Variants in MTMR7 observed in about 807,000 individuals in gnomAD.
MTMR7 encodes myotubularin related protein 7, also known as phosphatidylinositol-3-phosphate phosphatase MTMR7.
MTMR7 carries 76 observed loss-of-function variants against 81.2 expected under a neutral mutation model. The ratio of observed to expected loss-of-function variants is 0.94; its 90% CI spans 0.78 to 1.13. The LOEUF (loss-of-function observed/expected upper bound fraction) is 1.13, where lower values mean the gene tolerates loss of function less well. Among genes scored for constraint, MTMR7 ranks in the 50% most tolerant of loss-of-function variants. MTMR7 has a pLI of 0.00. For missense variants in MTMR7, 1,044 were observed against 820.0 expected (o/e 1.27, Z -3.34); for synonymous variants, 372 against 289.8 (o/e 1.28, Z -2.88).
At chr8:17,403,098 G>T (rs1307857121) in intron 1 of MTMR7, among the ~76,000 whole-genome samples, 1 of 152,094 alleles carries the variant, frequency 6.6e-6, no homozygotes, top group East Asian at 1.9e-4. Flanking sequence ...CAGATTATTA[G>T]ATTTTTTTTC....
chr8:17,334,402 C>T (rs2150534758), intron 6 of MTMR7, among the ~76,000 whole-genome samples: 1 of 152,310 alleles, frequency 6.6e-6, no homozygotes, highest in Middle Eastern at 3.4e-3. Context: ...AACTCCATTT[C>T]ACAACTAAAG....
intron 7 of MTMR7, among the ~76,000 whole-genome samples, chr8:17,315,174 G>A (rs781487272): frequency 1.3e-5 from 2 of 152,194 alleles, no homozygotes; most frequent in Non-Finnish European, 2.9e-5. Context: ...AAAAGGAGAT[G>A]AGCTATGAAA....
At chr8:17,348,875 A>G (rs988373978) in intron 5 of MTMR7, 78 bp downstream of exon 5, 95 of 1,546,874 alleles carry the variant, frequency 6.1e-5, no homozygotes, top group Non-Finnish European at 8.4e-5. Flanking sequence ...CACGCACAGC[A>G]GAAGGCAGCT....
rs370812641 is a variant in MTMR7, at chr8:17,299,879, C to G, written c.1966G>C (p.Val656Leu). Residue 656 changes from valine to leucine, a missense_variant, in exon 14 of 14, where the codon GTG (valine) becomes CTG (leucine). By Grantham distance (32) the Val-to-Leu change is conservative. Coordinates refer to ENST00000180173, the MANE Select transcript of MTMR7 (RefSeq NM_004686.5). ...GGGAAACTTCAGGCAGTGAGAAACA[C>G]GGCTTCATCAGAATCCCGGTCCTTG... is the stretch of plus-strand genomic sequence containing the variant. ...SGKDRDSDEAVFLTA is the reference protein window; with the variant it reads ...SGKDRDSDEALFLTA The G allele has an allele frequency of 6.2e-7, 1 of 1,613,894 alleles. No homozygotes were observed. Among genetic ancestry groups the G allele is most frequent in the Non-Finnish European group, 8.5e-7 (1 of 1,179,942 alleles).
intron 7 of MTMR7, among the ~76,000 whole-genome samples, chr8:17,314,308 C>T (rs1337200863): frequency 6.6e-6 from 1 of 152,140 alleles, no homozygotes; most frequent in African/African-American, 2.4e-5. Flanking sequence ...CTCTGTGATG[C>T]AGTAAACACA....
At chr8:17,332,122 C>T (rs1296816387) in intron 6 of MTMR7, among the ~76,000 whole-genome samples, 2 of 152,334 alleles carry the variant, frequency 1.3e-5, no homozygotes, top group East Asian at 3.9e-4. Context: ...CAGGTCATCA[C>T]ATCCTAGAAA....
At chr8:17,363,395 T>C (rs1242915531) in intron 3 of MTMR7, among the ~76,000 whole-genome samples, 1 of 152,222 alleles carries the variant, frequency 6.6e-6, no homozygotes, top group African/African-American at 2.4e-5. Flanking sequence ...GTTAAATATT[T>C]ACAAATAGCT....
At chr8:17,405,407 G>C (rs1821548552) in intron 1 of MTMR7, among the ~76,000 whole-genome samples, 1 of 152,168 alleles carries the variant, frequency 6.6e-6, no homozygotes, top group Non-Finnish European at 1.5e-5. Flanking sequence ...CCAAGTCTAA[G>C]GGGCAATATG....
At position 17,373,159 on chromosome 8, in the gene MTMR7, TG is replaced by T. The variant is rs1426088285; in HGVS notation, c.105del (p.Ile36TyrfsTer36). On this transcript the variant is annotated frameshift_variant, in exon 2 of 14. Transcript: ENST00000180173. LOFTEE classifies it high-confidence loss of function. The stretch of plus-strand genomic sequence containing the variant: ...GGGTCAGGTGAATTTTCCACGAATA[TG>T]ACATGGGTAGCCGTCAAATACAAAG... Reference protein sequence around the residue: ...LGTLYLTATHVIFVENSPDPR... With the variant: ...LGTLYLTATHXIFVENSPDPR... 4 of 1,613,790 alleles carry T rather than the reference TG, an allele frequency of 2.5e-6. No individual in the cohort carries two copies.
At chr8:17,385,539 A>C (rs1387292162) in intron 1 of MTMR7, among the ~76,000 whole-genome samples, 1 of 152,144 alleles carries the variant, frequency 6.6e-6, no homozygotes, top group Non-Finnish European at 1.5e-5. Context: ...GTCTTCCGCC[A>C]CGATTGTGAG....
chr8:17,306,350 G>C (rs929947569), intron 10 of MTMR7, among the ~76,000 whole-genome samples: 1 of 151,568 alleles, frequency 6.6e-6, no homozygotes, highest in African/African-American at 2.4e-5. Context: ...TTCATTTTTT[G>C]CGCTGTTTTG....
At chr8:17,341,231 T>C in intron 6 of MTMR7, 132 bp downstream of exon 6, 1 of 1,209,366 alleles carries the variant, frequency 8.3e-7, no homozygotes, top group East Asian at 2.6e-5. Flanking sequence ...GCCCAGACAC[T>C]GACTATGCCA....
chr8:17,365,518 C>T (rs535168126), intron 3 of MTMR7, among the ~76,000 whole-genome samples: 3 of 152,260 alleles, frequency 2.0e-5, no homozygotes, highest in Non-Finnish European at 2.9e-5. Context: ...TCTGGCTTTT[C>T]CCATCACAGT....
At chr8:17,389,223 T>G (rs1039646164) in intron 1 of MTMR7, among the ~76,000 whole-genome samples, 2 of 152,222 alleles carry the variant, frequency 1.3e-5, no homozygotes, top group African/African-American at 4.8e-5. Flanking sequence ...TCCTCTGAAT[T>G]GCTGTGACCT....
intron 1 of MTMR7, among the ~76,000 whole-genome samples, chr8:17,412,001 T>A (rs1314291998): frequency 6.6e-6 from 1 of 152,244 alleles, no homozygotes; most frequent in Non-Finnish European, 1.5e-5. Flanking sequence ...TAGTACCACT[T>A]AAACTCTGAA....
chr8:17,404,889 G>T (rs369695454), intron 1 of MTMR7, among the ~76,000 whole-genome samples: 1 of 152,158 alleles, frequency 6.6e-6, no homozygotes, highest in African/African-American at 2.4e-5. Context: ...GCAGCGGCGC[G>T]ATCTCAGCTC....
At chr8:17,341,295 C>T in intron 6 of MTMR7, 68 bp downstream of exon 6, 1 of 1,590,404 alleles carries the variant, frequency 6.3e-7, no homozygotes, top group Non-Finnish European at 8.6e-7. Context: ...TGGCAGTCGG[C>T]TAGCCTTTGC....
chr8:17,352,370 T>C (rs1314647047), intron 4 of MTMR7, among the ~76,000 whole-genome samples: 2 of 152,142 alleles, frequency 1.3e-5, no homozygotes, highest in African/African-American at 4.8e-5. Context: ...CAGATGGTAC[T>C]GGGAAAACTA....
At chr8:17,318,195 T>A (rs1256837892) in intron 7 of MTMR7, among the ~76,000 whole-genome samples, 3 of 152,102 alleles carry the variant, frequency 2.0e-5, no homozygotes, top group Admixed American at 6.6e-5. Flanking sequence ...ATGTTTGGGA[T>A]CCGAACACAC....
Sources: gnomAD v4.1 joint callset for allele counts (sites outside exome capture counted in the v4.1 genomes callset) on GRCh38, gnomAD v4.1.1 for gene constraint, MANE v1.5 for transcripts, NCBI Gene and HGNC (gene_info 2026-07-23, HGNC 2026-07-21) for gene names.